Variants in SLC24A2 observed in about 807,000 individuals in gnomAD.
SLC24A2 encodes the protein sodium/potassium/calcium exchanger 2.
Under a neutral mutation model 62.0 loss-of-function variants are expected in SLC24A2, and 36 were observed. The ratio of observed to expected loss-of-function variants is 0.58; its 90% CI spans 0.44 to 0.77. SLC24A2 has a LOEUF of 0.77. Among genes scored for constraint, SLC24A2 ranks in the 30% least tolerant of loss-of-function variants. SLC24A2 has a pLI of 0.00. For missense variants in SLC24A2, 846 were observed against 817.9 expected, an observed-to-expected ratio of 1.03 and a Z score of -0.42; for synonymous variants, 358 against 294.0, an observed-to-expected ratio of 1.22 and a Z score of -2.23.
At chr9:19,977,523 G>A in the SLC24A2 span, among the ~76,000 whole-genome samples, 1 of 152,114 alleles carries the variant, frequency 6.6e-6, no homozygotes, top group Non-Finnish European at 1.5e-5. Context: ...ATGATGAAGA[G>A]ATAGGTACAA....
chr9:19,561,317 GTGAAAA>G (rs1563966011), intron 7 of SLC24A2, among the ~76,000 whole-genome samples: 2,677 of 149,936 alleles, frequency 0.018, 16 homozygotes, highest in African/African-American at 0.062. Context: ...CATAAGATAA[GTGAAAA>G]AGAGGTAAGT....
chr9:19,920,321 G>C, the SLC24A2 span, among the ~76,000 whole-genome samples: 1 of 152,176 alleles, frequency 6.6e-6, no homozygotes, highest in African/African-American at 2.4e-5. Flanking sequence ...GAATGAAACG[G>C]AGTTAGTTTT....
At chr9:19,558,403 A>G (rs1835211154) in intron 7 of SLC24A2, among the ~76,000 whole-genome samples, 1 of 152,188 alleles carries the variant, frequency 6.6e-6, no homozygotes. Flanking sequence ...CCCAAGAAAA[A>G]GGTATAGAGA....
At chr9:20,179,787 A>T in the SLC24A2 span, among the ~76,000 whole-genome samples, 19 of 152,316 alleles carry the variant, frequency 1.2e-4, no homozygotes, top group East Asian at 3.5e-3. Flanking sequence ...GTGCAAAACT[A>T]AGTTTTGAAT....
At chr9:19,905,292 G>T in the SLC24A2 span, among the ~76,000 whole-genome samples, 1 of 152,080 alleles carries the variant, frequency 6.6e-6, no homozygotes, top group African/African-American at 2.4e-5. Flanking sequence ...CCCCGGTATT[G>T]TCCCTGTAAA....
At chr9:20,108,590 T>A in the SLC24A2 span, among the ~76,000 whole-genome samples, 3 of 151,012 alleles carry the variant, frequency 2.0e-5, no homozygotes. Flanking sequence ...CAGTAAACTA[T>A]CGCAAGAACA....
the SLC24A2 span, among the ~76,000 whole-genome samples, chr9:20,117,912 T>C: frequency 1.6e-4 from 25 of 152,136 alleles, no homozygotes; most frequent in African/African-American, 5.8e-4. Flanking sequence ...GTTATTAATA[T>C]TACAAATAAC....
At chr9:20,222,854 A>G in the SLC24A2 span, among the ~76,000 whole-genome samples, 1 of 152,148 alleles carries the variant, frequency 6.6e-6, no homozygotes, top group African/African-American at 2.4e-5. Context: ...TACAGCAAGC[A>G]TTATCTTAAT....
chr9:19,674,619 G>C (rs969057180), intron 2 of SLC24A2, among the ~76,000 whole-genome samples: 1 of 152,036 alleles, frequency 6.6e-6, no homozygotes, highest in African/African-American at 2.4e-5. Context: ...CCTTGTCTTT[G>C]AGTTCTGAAG....
At chr9:20,105,239 A>G in the SLC24A2 span, among the ~76,000 whole-genome samples, 2 of 152,200 alleles carry the variant, frequency 1.3e-5, no homozygotes, top group Admixed American at 1.3e-4. Context: ...ACTCCCACAC[A>G]ATAATAATGG....
chr9:20,065,628 G>T, the SLC24A2 span, among the ~76,000 whole-genome samples: 2 of 152,114 alleles, frequency 1.3e-5, no homozygotes, highest in Non-Finnish European at 2.9e-5. Flanking sequence ...AATCTTTTTT[G>T]CCTGTAAAAT....
the SLC24A2 span, among the ~76,000 whole-genome samples, chr9:20,243,892 T>C: frequency 6.6e-6 from 1 of 152,110 alleles, no homozygotes; most frequent in Non-Finnish European, 1.5e-5. Flanking sequence ...CTTTCTGAGA[T>C]AATTTCTCAG....
At chr9:20,255,005 T>C in the SLC24A2 span, among the ~76,000 whole-genome samples, 2 of 152,086 alleles carry the variant, frequency 1.3e-5, no homozygotes, top group African/African-American at 2.4e-5. Flanking sequence ...CCCCCATGAT[T>C]CAATTACCTC....
chr9:20,045,807 C>A, the SLC24A2 span, among the ~76,000 whole-genome samples: 1 of 152,170 alleles, frequency 6.6e-6, no homozygotes, highest in Non-Finnish European at 1.5e-5. Context: ...CACAATGATC[C>A]TGTTTGGAAC....
chr9:19,557,320 T>C (rs553419263), intron 7 of SLC24A2, among the ~76,000 whole-genome samples: 4 of 152,176 alleles, frequency 2.6e-5, no homozygotes, highest in African/African-American at 4.8e-5. Context: ...GTGGGAACAA[T>C]TGTAAGAGGA....
the SLC24A2 span, among the ~76,000 whole-genome samples, chr9:20,248,816 A>C: frequency 6.6e-6 from 1 of 152,246 alleles, no homozygotes; most frequent in Non-Finnish European, 1.5e-5. Context: ...GTTAGCATTT[A>C]CTTCTCCGGG....
At chr9:19,645,117 C>T (rs529463183) in intron 2 of SLC24A2, among the ~76,000 whole-genome samples, 8 of 150,872 alleles carry the variant, frequency 5.3e-5, no homozygotes, top group Non-Finnish European at 1.0e-4. Flanking sequence ...AGTATTCAAG[C>T]TCCACACTGC....
the SLC24A2 span, among the ~76,000 whole-genome samples, chr9:20,067,221 G>A: frequency 6.6e-6 from 1 of 152,086 alleles, no homozygotes; most frequent in South Asian, 2.1e-4. Flanking sequence ...TTCCAAAAAA[G>A]GGTTTCAGAG....
chr9:19,849,653 G>T, the SLC24A2 span, among the ~76,000 whole-genome samples: 5 of 152,162 alleles, frequency 3.3e-5, no homozygotes, highest in African/African-American at 9.7e-5. Flanking sequence ...ACTCACCAAC[G>T]TGTAGGCTAT....
Sources: allele counts gnomAD v4.1 joint callset (sites outside exome capture counted in the v4.1 genomes callset), GRCh38; gene constraint gnomAD v4.1.1; transcripts MANE v1.5; gene names NCBI Gene and HGNC (gene_info 2026-07-23, HGNC 2026-07-21).